Variants in TSPAN5 observed in about 807,000 individuals in gnomAD.
TSPAN5 encodes the protein tetraspanin-5.
A neutral mutation model predicts 37.1 loss-of-function variants in TSPAN5; 10 were observed. The observed-to-expected ratio is 0.27, with a 90% CI of 0.17 to 0.46. TSPAN5 has a LOEUF of 0.46. TSPAN5 is among the 20% of genes least tolerant of loss of function. TSPAN5 has a pLI of 1.00. For missense variants in TSPAN5, 195 were observed against 326.6 expected (o/e 0.60, Z 3.11); for synonymous variants, 110 against 118.9 (o/e 0.93, Z 0.48).
rs1220640919 is a variant in TSPAN5, at chr4:98,647,525, G to A, written c.81+10621C>T. 2.0e-5 allele frequency among the ~76,000 whole-genome samples: 3 copies of A among 152,160 alleles called. No individual in the cohort carries two copies. In the East Asian group the frequency reaches 5.8e-4, roughly 29 times the overall value. On this transcript the variant is annotated intron_variant, in intron 1 of 7. Transcript: ENST00000305798. ...GATTTTTAGAAATTCAAGCCTTAGT[G>A]CCAAGTGTAATTTAGAAAAATTTTC...
At chr4:98,540,230 A>G (rs1223929276) in intron 1 of TSPAN5, among the ~76,000 whole-genome samples, 1 of 152,238 alleles carries the variant, frequency 6.6e-6, no homozygotes, top group African/African-American at 2.4e-5. Context: ...CAGTGATCCA[A>G]GTTTCTACTA....
At chr4:98,624,366 G>A (rs1377825740) in intron 1 of TSPAN5, among the ~76,000 whole-genome samples, 1 of 151,998 alleles carries the variant, frequency 6.6e-6, no homozygotes, top group Non-Finnish European at 1.5e-5. Context: ...GCCAAGTACA[G>A]ACTAAGTGCA....
rs762697883 is a variant in TSPAN5, at chr4:98,488,044, T to TA, written c.133-1161dup. On this transcript the variant is annotated intron_variant, in intron 2 of 7. Coordinates refer to ENST00000305798, the MANE Select transcript of TSPAN5 (RefSeq NM_005723.4). ...ATAGTTTGCTGTAAAGCCTTAATAA[T>TA]AAAAAAAAATTGTTTTCAAAGCACT... is the stretch of plus-strand genomic sequence containing the variant. Among the ~76,000 whole-genome samples the TA allele has an allele frequency of 3.4e-3, 511 of 151,732 alleles. 1 individual carries two copies. Among genetic ancestry groups the TA allele is most frequent in the African/African-American group, 0.011 (449 of 41,368 alleles).
At chr4:98,644,870 CTT>C (rs1757029436) in intron 1 of TSPAN5, among the ~76,000 whole-genome samples, 1 of 152,212 alleles carries the variant, frequency 6.6e-6, no homozygotes, top group South Asian at 2.1e-4. Flanking sequence ...GGATGCCCCT[CTT>C]CTCTCCCACA....
chr4:98,600,472 A>G (rs1240778850), intron 1 of TSPAN5, among the ~76,000 whole-genome samples: 1 of 152,200 alleles, frequency 6.6e-6, no homozygotes, highest in African/African-American at 2.4e-5. Flanking sequence ...GGAATATTCT[A>G]AATCCTTTGC....
At chr4:98,615,564 T>G (rs1756307440) in intron 1 of TSPAN5, among the ~76,000 whole-genome samples, 1 of 152,220 alleles carries the variant, frequency 6.6e-6, no homozygotes, top group Non-Finnish European at 1.5e-5. Flanking sequence ...CTCATGCCTG[T>G]AATTCTAGCA....
chr4:98,478,952 C>T, intron 4 of TSPAN5, 142 bp from the exon 5 acceptor site: 1 of 982,830 alleles, frequency 1.0e-6, no homozygotes. Context: ...CAAACTGAAC[C>T]TAAATGGCCC....
chr4:98,495,659 C>G (rs1207028579), intron 2 of TSPAN5, among the ~76,000 whole-genome samples: 1 of 151,982 alleles, frequency 6.6e-6, no homozygotes, highest in Non-Finnish European at 1.5e-5. Context: ...GGAATATGTT[C>G]TGAGTAACTA....
In TSPAN5 at chr4:98,519,636, G is replaced by C. The variant is rs1265785952; in HGVS notation, c.82-11908C>G. On this transcript the variant is annotated intron_variant, in intron 1 of 7. Transcript: ENST00000305798. The stretch of plus-strand genomic sequence containing the variant: ...GCTTAAACAACTTGGCAGGCTTTTG[G>C]TGTCATTTACAAAGTTAGGAATACT... Among the ~76,000 whole-genome samples the C allele has an allele frequency of 2.0e-5, 3 of 152,226 alleles. No individual in the cohort carries two copies. In the East Asian group the frequency reaches 5.8e-4, roughly 29 times the overall value.
In TSPAN5 at chr4:98,487,238, GAAAAAAAA is replaced by G. The variant is rs11318498; in HGVS notation, c.133-362_133-355del. ...TATTTTTGGGAAAACTATATGTAGA[GAAAAAAAA>G]AAAAAAAAGAAAAGAAGAGCCCAAG... On this transcript the variant is annotated intron_variant, in intron 2 of 7. Coordinates refer to ENST00000305798, the MANE Select transcript of TSPAN5 (RefSeq NM_005723.4). 4.3e-3 allele frequency among the ~76,000 whole-genome samples: 558 copies of G among 130,396 alleles called. 6 individuals are homozygous for G. Among genetic ancestry groups the G allele is most frequent in the African/African-American group, 0.015 (533 of 34,904 alleles). The allele number at this position is 130,396 out of a possible 152,430, so 85.5% of individuals were successfully genotyped here.
chr4:98,604,923 T>A (rs1755969898), intron 1 of TSPAN5, among the ~76,000 whole-genome samples: 1 of 152,158 alleles, frequency 6.6e-6, no homozygotes, highest in African/African-American at 2.4e-5. Flanking sequence ...TCAACCCTTT[T>A]CTCCCACTCA....
At chr4:98,489,695 C>T (rs1240987503) in intron 2 of TSPAN5, among the ~76,000 whole-genome samples, 1 of 152,100 alleles carries the variant, frequency 6.6e-6, no homozygotes, top group Non-Finnish European at 1.5e-5. Context: ...CACTCCTAAT[C>T]GGGCTAGAGG....
chr4:98,518,067 C>G (rs1299519652), intron 1 of TSPAN5, among the ~76,000 whole-genome samples: 1 of 151,252 alleles, frequency 6.6e-6, no homozygotes, highest in African/African-American at 2.4e-5. Context: ...GTCAGATGCA[C>G]ACTGTTTTTA....
intron 1 of TSPAN5, among the ~76,000 whole-genome samples, chr4:98,570,989 G>C (rs1018802727): frequency 1.3e-5 from 2 of 151,390 alleles, no homozygotes; most frequent in African/African-American, 4.9e-5. Flanking sequence ...TCCAATATGG[G>C]CGACAGAGCA....
At chr4:98,517,339 G>A (rs894776004) in intron 1 of TSPAN5, among the ~76,000 whole-genome samples, 14 of 152,042 alleles carry the variant, frequency 9.2e-5, no homozygotes, top group Admixed American at 4.6e-4. Flanking sequence ...GTTGAACTAT[G>A]GAAGCAGAAT....
At chr4:98,611,687 G>C (rs1453367811) in intron 1 of TSPAN5, among the ~76,000 whole-genome samples, 1 of 152,224 alleles carries the variant, frequency 6.6e-6, no homozygotes, top group Non-Finnish European at 1.5e-5. Flanking sequence ...TGCCTTACCA[G>C]GTAAGAACAG....
At chr4:98,512,047 T>C (rs1753617677) in intron 1 of TSPAN5, among the ~76,000 whole-genome samples, 1 of 152,118 alleles carries the variant, frequency 6.6e-6, no homozygotes, top group African/African-American at 2.4e-5. Context: ...ACCCCGTCTC[T>C]ACTAAAAATA....
At chr4:98,544,007 G>A (rs28504661) in intron 1 of TSPAN5, among the ~76,000 whole-genome samples, 14,700 of 151,882 alleles carry the variant, frequency 0.097, 1,268 homozygotes, top group African/African-American at 0.23. Context: ...GTGAGATCTT[G>A]TCTCTACAAG....
At chr4:98,562,326 G>A (rs1466738354) in intron 1 of TSPAN5, among the ~76,000 whole-genome samples, 1 of 152,124 alleles carries the variant, frequency 6.6e-6, no homozygotes. Flanking sequence ...GGAGAGAGGA[G>A]ATGAAAACTG....
Sources: allele counts gnomAD v4.1 joint callset (sites outside exome capture counted in the v4.1 genomes callset), GRCh38; gene constraint gnomAD v4.1.1; transcripts MANE v1.5; gene names NCBI Gene and HGNC (gene_info 2026-07-23, HGNC 2026-07-21).